Variants in AATK observed in about 807,000 individuals in gnomAD.
The protein encoded by AATK is lemur tail kinase 1.
AATK carries 91 observed loss-of-function variants against 114.3 expected under a neutral mutation model. That is an observed-to-expected ratio of 0.80 (90% confidence interval 0.67 to 0.95). The LOEUF (loss-of-function observed/expected upper bound fraction) is 0.95. Among genes scored for constraint, AATK ranks in the 40% least tolerant of loss-of-function variants. The probability of loss-of-function intolerance (pLI) is 0.00; values close to 1 mark genes in which losing one functional copy is unlikely to be tolerated. For missense variants in AATK, 2,176 were observed against 1,965.2 expected (o/e 1.11, Z -2.03); for synonymous variants, 1,075 against 916.5 (o/e 1.17, Z -3.12).
rs143302366 is a variant in AATK, at chr17:81,125,782, G to T, written c.755+645C>A. ...GTCTGCGTGCCAGGGGATCGCTACA[G>T]GGCCATGTGTCCTGGGCCTAGGGGG... is the stretch of plus-strand genomic sequence containing the variant. On this transcript the variant is annotated intron_variant, in intron 7 of 13. Coordinates refer to ENST00000326724, the MANE Select transcript of AATK (RefSeq NM_001080395.3). 3.1e-3 allele frequency: 1,313 copies of T among 422,758 alleles called. 16 individuals are homozygous for T. Among genetic ancestry groups the T allele is most frequent in the African/African-American group, 0.025 (1,202 of 48,494 alleles). 26.2% of individuals were successfully genotyped at this position (422,758 alleles called of 1,614,324 possible). A position where few individuals can be genotyped will look rare whatever the true frequency, so the allele number is the denominator to read the frequency against.
intron 3 of AATK, among the ~76,000 whole-genome samples, chr17:81,129,534 T>C (rs975554090): frequency 1.9e-4 from 29 of 152,176 alleles, no homozygotes; most frequent in Non-Finnish European, 2.6e-4. Context: ...GGGGCTACTT[T>C]TCTGACCTCA....
In AATK at chr17:81,120,965, G is replaced by A; in HGVS notation, c.2971C>T (p.Pro991Ser). The A allele has an allele frequency of 6.2e-7, 1 of 1,609,938 alleles. No homozygotes were observed. Among genetic ancestry groups the A allele is most frequent in the Non-Finnish European group, 8.5e-7 (1 of 1,178,796 alleles). The change falls in exon 11 of 14, where the codon CCC becomes TCC. Residue 991 changes from proline (P) to serine (S), a missense_variant. Transcript: ENST00000326724. ...TSLSGLNEKNPYRDSAYFSDL... is the reference protein window; with the variant it reads ...TSLSGLNEKNSYRDSAYFSDL... ...GAGAAGTAGGCAGAGTCTCGGTAGG[G>A]ATTCTTCTCGTTGAGGCCACTGAGG... is the stretch of plus-strand genomic sequence containing the variant.
chr17:81,141,069 G>C (rs1381115258), intron 1 of AATK, among the ~76,000 whole-genome samples: 1 of 149,418 alleles, frequency 6.7e-6, no homozygotes, highest in African/African-American at 2.5e-5. Flanking sequence ...GGCCGTGGGG[G>C]CTAGGAGCCG....
At position 81,125,019 on chromosome 17, in the gene AATK, A is replaced by AGGCAGGGGCAGGGGCAGG; in HGVS notation, c.756-23_756-6dup. ...CAGTTCCGCAGGGCCAGGTCGCTGCAGGCAGGGGCAGGGGCAGGGGCAGGG... is the reference window on the plus strand; with the variant it reads ...CAGTTCCGCAGGGCCAGGTCGCTGCAGGCAGGGGCAGGGGCAGGGGCAGGGGCAGGGGCAGGGGCAGGG... On this transcript the variant is annotated splice_polypyrimidine_tract_variant and splice_region_variant and intron_variant, in intron 7 of 13. Transcript: ENST00000326724. The AGGCAGGGGCAGGGGCAGG allele has an allele frequency of 7.0e-7, 1 of 1,419,060 alleles. No individual in the cohort carries two copies. The highest frequency in any genetic ancestry group is 9.4e-7 in the Non-Finnish European group (1 of 1,069,226). The allele number at this position is 1,419,060 out of a possible 1,614,324, so 87.9% of individuals were successfully genotyped here.
At position 81,120,474 on chromosome 17, in the gene AATK, C is replaced by T. The variant is rs761084908; in HGVS notation, c.3462G>A (p.Leu1154=). ...RLALPGLPAA[L]EGRPEEEEED... ...CCTCCTCCTCCTCCGGCCGGCCCTCCAAGGCCGCAGGGAGGCCGGGCAGAG... is the reference window on the plus strand; with the variant it reads ...CCTCCTCCTCCTCCGGCCGGCCCTCTAAGGCCGCAGGGAGGCCGGGCAGAG... The change falls in exon 11 of 14, where the codon TTG becomes TTA. Residue 1154 remains leucine, a synonymous_variant. Coordinates refer to ENST00000326724, the MANE Select transcript of AATK (RefSeq NM_001080395.3). 6.3e-5 allele frequency: 97 copies of T among 1,530,054 alleles called. No homozygotes were observed. In the East Asian group the frequency reaches 2.3e-3, roughly 36 times the overall value. The allele number at this position is 1,530,054 out of a possible 1,614,324, so 94.8% of individuals were successfully genotyped here. A position where few individuals can be genotyped will look rare whatever the true frequency, so the allele number is the denominator to read the frequency against.
chr17:81,135,012 A>AGGT (rs1400056313), intron 1 of AATK, among the ~76,000 whole-genome samples: 1 of 152,144 alleles, frequency 6.6e-6, no homozygotes, highest in African/African-American at 2.4e-5. Flanking sequence ...GTCCCTGAGA[A>AGGT]GGTGGTGCTG....
chr17:81,158,236 C>T (rs902307055), intron 1 of AATK, among the ~76,000 whole-genome samples: 15 of 152,242 alleles, frequency 9.9e-5, no homozygotes, highest in South Asian at 8.3e-4. Flanking sequence ...GAGAGCAGGG[C>T]GGGGCCCAGC....
In AATK at chr17:81,120,641, G is replaced by A. The variant is rs975405958; in HGVS notation, c.3295C>T (p.Gln1099Ter). ...GGAACCGGGGTCAGCAGGAAAAACT[G>A]GGAGCAGCTGGGGCTGGGCCCAGGC... is the stretch of plus-strand genomic sequence containing the variant. ...VRPGPSPSCS[Q>*]FFLLTPVPLR... The change falls in exon 11 of 14, where the codon CAG becomes TAG. Residue 1099 changes from glutamine (Q) to a stop codon, truncating the protein, a stop_gained. Coordinates refer to ENST00000326724, the MANE Select transcript of AATK (RefSeq NM_001080395.3). LOFTEE classifies it high-confidence loss of function. The A allele has an allele frequency of 6.5e-7, 1 of 1,532,232 alleles. No individual in the cohort carries two copies. The highest frequency in any genetic ancestry group is 8.7e-7 in the Non-Finnish European group (1 of 1,143,966). The allele number at this position is 1,532,232 out of a possible 1,614,324, so 94.9% of individuals were successfully genotyped here.
intron 4 of AATK, 28 bp downstream of exon 4, chr17:81,128,442 A>G (rs924396262): frequency 6.5e-7 from 1 of 1,547,836 alleles, no homozygotes; most frequent in African/African-American, 1.4e-5. Flanking sequence ...CCCAGGCGGG[A>G]GTCCTCCCTC....
At chr17:81,138,313 ACG>A in intron 1 of AATK, among the ~76,000 whole-genome samples, 1 of 146,290 alleles carries the variant, frequency 6.8e-6, no homozygotes, top group Non-Finnish European at 1.5e-5. Context: ...ATATCCACAC[ACG>A]TGCACACATA....
chr17:81,146,218 G>T (rs1227412185), intron 1 of AATK, among the ~76,000 whole-genome samples: 4 of 151,022 alleles, frequency 2.6e-5, no homozygotes, highest in Non-Finnish European at 4.4e-5. Context: ...AAAATTAGCT[G>T]GGCGTGGTGA....
At chr17:81,143,032 C>T (rs62075272) in intron 1 of AATK, among the ~76,000 whole-genome samples, 9,126 of 152,290 alleles carry the variant, frequency 0.06, 380 homozygotes, top group Non-Finnish European at 0.087. Context: ...TCCAGGATGG[C>T]GCCTACTCAG....
At chr17:81,161,923 C>T (rs748895390) in intron 1 of AATK, among the ~76,000 whole-genome samples, 15 of 152,180 alleles carry the variant, frequency 9.9e-5, no homozygotes, top group South Asian at 2.1e-4. Context: ...CTGGGGCACT[C>T]GGGCCCACAG....
intron 2 of AATK, among the ~76,000 whole-genome samples, chr17:81,133,537 G>A (rs983729711): frequency 1.1e-4 from 16 of 152,192 alleles, no homozygotes; most frequent in Admixed American, 3.9e-4. Flanking sequence ...TGGCCCAGGG[G>A]TGGGGCTGAC....
intron 13 of AATK, 125 bp from the exon 14 acceptor site, chr17:81,118,567 T>A: frequency 2.0e-6 from 2 of 977,764 alleles, no homozygotes; most frequent in Non-Finnish European, 3.1e-6. Context: ...GCAGCAGATC[T>A]GGCTGTGTCT....
chr17:81,126,363 C>A lies in AATK; in HGVS notation c.755+64G>T. The A allele has an allele frequency of 2.6e-6, 4 of 1,511,056 alleles. No homozygotes were observed. The highest frequency in any genetic ancestry group is 1.2e-5 in the South Asian group (1 of 81,148). 93.6% of individuals were successfully genotyped at this position (1,511,056 alleles called of 1,614,324 possible). On this transcript the variant is annotated intron_variant, in intron 7 of 13. Coordinates refer to ENST00000326724, the MANE Select transcript of AATK (RefSeq NM_001080395.3). The surrounding 1 kb of genome is among the most constrained non-coding windows in gnomAD (Gnocchi z 5.1). Reference sequence around the variant, plus strand: ...CCCCTGAGGCAGGACCCGCCCTATGCCCTTCCTTCAGGGGAGGGGCCTGGC... The same window carrying A: ...CCCCTGAGGCAGGACCCGCCCTATGACCTTCCTTCAGGGGAGGGGCCTGGC...
intron 3 of AATK, 149 bp downstream of exon 3, chr17:81,130,912 G>T: frequency 1.0e-6 from 1 of 989,582 alleles, no homozygotes; most frequent in Non-Finnish European, 1.5e-6. Flanking sequence ...GGAGTCCAGG[G>T]CTGCACACTG....
At position 81,131,114 on chromosome 17, in the gene AATK, AC is replaced by A. The variant is rs753090899; in HGVS notation, c.280del (p.Val94SerfsTer35). 3.8e-6 allele frequency: 6 copies of A among 1,560,904 alleles called. No homozygotes were observed. The highest frequency in any genetic ancestry group is 5.2e-6 in the Non-Finnish European group (6 of 1,153,076). ...TAAQNGPDVY[V>X]LPLTEVSLPM... The stretch of plus-strand genomic sequence containing the variant: ...CAAGGAGACCTCCGTGAGTGGCAGG[AC>A]GTACACGTCGGGCCCGTTCTGTGCT... On this transcript the variant is annotated frameshift_variant, in exon 3 of 14. Coordinates refer to ENST00000326724, the MANE Select transcript of AATK (RefSeq NM_001080395.3). LOFTEE classifies it high-confidence loss of function.
chr17:81,118,381 G>C lies in AATK; in HGVS notation c.*21C>G. 6.2e-7 allele frequency: 1 copy of C among 1,600,730 alleles called. No homozygotes were observed. Among genetic ancestry groups the C allele is most frequent in the Non-Finnish European group, 8.5e-7 (1 of 1,174,544 alleles). Reference sequence around the variant, plus strand: ...GGGGCTCCGGTGACGCCAGCCTTGAGGGGCAGGAGCTGCCCAGGTCTCAAG... The same window carrying C: ...GGGGCTCCGGTGACGCCAGCCTTGACGGGCAGGAGCTGCCCAGGTCTCAAG... On this transcript the variant is annotated 3_prime_UTR_variant, in exon 14 of 14. Coordinates refer to ENST00000326724, the MANE Select transcript of AATK (RefSeq NM_001080395.3).
Sources: gnomAD v4.1 joint callset for allele counts (sites outside exome capture counted in the v4.1 genomes callset) on GRCh38, gnomAD v4.1.1 for gene constraint, Gnocchi (gnomAD v3.1) non-coding constraint, MANE v1.5 for transcripts, NCBI Gene and HGNC (gene_info 2026-07-23, HGNC 2026-07-21) for gene names.